The following INTS9 variants were observed in gnomAD, a reference collection of about 807,000 sequenced individuals.
INTS9 encodes the protein protein related to CPSF subunits of 74 kDa.
Under a neutral mutation model 79.7 loss-of-function variants are expected in INTS9, and 55 were observed. The observed-to-expected ratio is 0.69, with a 90% CI of 0.56 to 0.86. The LOEUF is 0.86. Ranked by LOEUF, INTS9 falls within the 40% of genes least tolerant of loss-of-function variation. The probability of loss-of-function intolerance (pLI) is 0.00; values close to 1 mark genes in which losing one functional copy is unlikely to be tolerated. For missense variants in INTS9, 721 were observed against 831.5 expected, an observed-to-expected ratio of 0.87 and a Z score of 1.64; for synonymous variants, 319 against 325.2, an observed-to-expected ratio of 0.98 and a Z score of 0.20.
intron 8 of INTS9, among the ~76,000 whole-genome samples, chr8:28,800,940 G>A (rs1363237666): frequency 6.6e-6 from 1 of 152,180 alleles, no homozygotes; most frequent in African/African-American, 2.4e-5. Flanking sequence ...AAAGAAACAG[G>A]TGGAGGGCCA....
intron 6 of INTS9, among the ~76,000 whole-genome samples, chr8:28,816,132 C>CT (rs890460974): frequency 1.2e-4 from 17 of 147,500 alleles, no homozygotes; most frequent in Admixed American, 6.1e-4. Context: ...AACTGACTTT[C>CT]TTTTTTTTTT....
rs796536290 is a variant in INTS9 at position 28,878,681 on chromosome 8, T to TA, written c.9+11192dup. 2.9e-3 allele frequency among the ~76,000 whole-genome samples: 420 copies of TA among 147,348 alleles called. 2 individuals carry two copies. Among genetic ancestry groups the TA allele is most frequent in the African/African-American group, 9.8e-3 (396 of 40,320 alleles). ...ACAAAAAACTCTTGTATAGTTTACT[T>TA]AAAAAAAAATGTTGGGCCAGGCGCG... On this transcript the variant is annotated intron_variant, in intron 1 of 16. Transcript: ENST00000521022.
At chr8:28,870,987 C>T (rs1809059537) in intron 1 of INTS9, among the ~76,000 whole-genome samples, 1 of 152,188 alleles carries the variant, frequency 6.6e-6, no homozygotes, top group African/African-American at 2.4e-5. Context: ...TTTTTAAAGA[C>T]AGCGAACATT....
intron 1 of INTS9, among the ~76,000 whole-genome samples, chr8:28,886,287 A>C (rs1177413011): frequency 6.6e-6 from 1 of 152,008 alleles, no homozygotes; most frequent in Non-Finnish European, 1.5e-5. Flanking sequence ...TCATTTTGTC[A>C]CCCAGGTTGT....
Position 28,840,844 on chromosome 8 carries a change from T to C in INTS9, c.262-3068A>G, listed in dbSNP as rs533279440. ...ATTAAGAGATATACCTAATGCTAAA[T>C]GACGAGTTAATGGGTGCAGTACGCC... On this transcript the variant is annotated intron_variant, in intron 4 of 16. Transcript: ENST00000521022. Among the ~76,000 whole-genome samples the C allele has an allele frequency of 6.1e-3, 907 of 149,820 alleles. 6 individuals are homozygous for C. The highest frequency in any genetic ancestry group is 0.022 in the African/African-American group (877 of 40,694).
At chr8:28,850,328 G>A in intron 2 of INTS9, 55 bp from the exon 3 acceptor site, 3 of 1,402,760 alleles carry the variant, frequency 2.1e-6, no homozygotes, top group South Asian at 1.2e-5. Context: ...AATCCTCAAT[G>A]ACTTCATGGT....
intron 10 of INTS9, among the ~76,000 whole-genome samples, chr8:28,788,580 G>A (rs961330626): frequency 7.2e-5 from 11 of 152,038 alleles, no homozygotes; most frequent in Admixed American, 2.0e-4. Context: ...CACCACACTC[G>A]GCGAATTTTT....
At chr8:28,797,934 C>T (rs1804315430) in intron 8 of INTS9, among the ~76,000 whole-genome samples, 1 of 152,134 alleles carries the variant, frequency 6.6e-6, no homozygotes, top group South Asian at 2.1e-4. Context: ...CAGTATTTTC[C>T]TTTCACCTTC....
In INTS9 at chr8:28,793,920, G is replaced by A. The variant is rs1203992703; in HGVS notation, c.924C>T (p.Leu308=). Residue 308 remains leucine, a synonymous_variant, in exon 10 of 17, where the codon CTC becomes CTT. Coordinates refer to ENST00000521022, the MANE Select transcript of INTS9 (RefSeq NM_018250.4). ...CGATGTACTGATATAGGCACTCCAG[G>A]AGGTCATAGATCACTCCAGAAGGGT... is the stretch of plus-strand genomic sequence containing the variant. The part of the protein sequence containing the change: ...PCYPSGVIYD[L]LECLYQYIDS... The A allele has an allele frequency of 3.1e-6, 5 of 1,614,018 alleles. No homozygotes were observed. The highest frequency in any genetic ancestry group is 4.2e-6 in the Non-Finnish European group (5 of 1,179,930).
At chr8:28,877,303 T>G (rs533477571) in intron 1 of INTS9, among the ~76,000 whole-genome samples, 2 of 152,224 alleles carry the variant, frequency 1.3e-5, no homozygotes, top group East Asian at 3.9e-4. Flanking sequence ...TACAAATGCT[T>G]TTATAAATAT....
chr8:28,823,447 C>G lies in INTS9; in HGVS notation c.489-9835G>C, dbSNP rs554331597. Among the ~76,000 whole-genome samples the G allele has an allele frequency of 2.6e-5, 4 of 152,322 alleles. No homozygotes were observed. The South Asian group carries it at 8.3e-4, about 32-fold the overall frequency. On this transcript the variant is annotated intron_variant, in intron 6 of 16. Coordinates refer to ENST00000521022, the MANE Select transcript of INTS9 (RefSeq NM_018250.4). ...AATTGACTGCCCTAGCCCAAGTCCC[C>G]TTCCCTTGTCACACTTTCCCAATGT...
At chr8:28,774,318 T>A (rs532472586) in intron 14 of INTS9, among the ~76,000 whole-genome samples, 126 of 152,344 alleles carry the variant, frequency 8.3e-4, no homozygotes, top group African/African-American at 2.9e-3. Context: ...TATTATTAAG[T>A]GAATATTTTT....
intron 12 of INTS9, 46 bp from the exon 13 acceptor site, chr8:28,777,999 G>A (rs1411287514): frequency 3.9e-6 from 6 of 1,539,562 alleles, no homozygotes; most frequent in South Asian, 2.5e-5. Flanking sequence ...GACTACACAG[G>A]AGCTGCCAAG....
At chr8:28,884,168 CTTTTTTTTTTTTTTTTTTTTT>C (rs35799882) in intron 1 of INTS9, among the ~76,000 whole-genome samples, 1 of 46,946 alleles carries the variant, frequency 2.1e-5, no homozygotes, top group African/African-American at 8.9e-5. Flanking sequence ...ATCAGTGTAT[CTTTTTTTTTTTTTTTTTTTTT>C]TTTTTTTTTG....
Position 28,780,980 on chromosome 8 carries a change from A to T in INTS9, c.1113T>A (p.Asn371Lys). The T allele has an allele frequency of 6.2e-7, 1 of 1,613,736 alleles. No homozygotes were observed. Among genetic ancestry groups the T allele is most frequent in the Non-Finnish European group, 8.5e-7 (1 of 1,179,746 alleles). Reference sequence around the variant, plus strand: ...GGATGCTGGGGTAGTGCTTCAGCTTATTGGTCTGAATGAGCTGGAAAATAT... The same window carrying T: ...GGATGCTGGGGTAGTGCTTCAGCTTTTTGGTCTGAATGAGCTGGAAAATAT... ...PFPHAELIQTNKLKHYPSIHG... is the reference protein window; with the variant it reads ...PFPHAELIQTKKLKHYPSIHG... The change falls in exon 12 of 17, where the codon AAT (asparagine) becomes AAA (lysine). Residue 371 changes from asparagine (N) to lysine (K), a missense_variant. By Grantham distance (94) the Asn-to-Lys change is moderately conservative. Transcript: ENST00000521022.
intron 4 of INTS9, among the ~76,000 whole-genome samples, chr8:28,843,040 A>G (rs1051113790): frequency 6.6e-6 from 1 of 152,200 alleles, no homozygotes; most frequent in Non-Finnish European, 1.5e-5. Flanking sequence ...GGCCAAGTGC[A>G]TTGTCCAATA....
intron 11 of INTS9, among the ~76,000 whole-genome samples, chr8:28,784,270 T>C (rs1340636497): frequency 6.6e-6 from 1 of 152,138 alleles, no homozygotes; most frequent in Non-Finnish European, 1.5e-5. Flanking sequence ...GGTGTGTGAG[T>C]GAGAATGTGA....
chr8:28,774,544 A>G (rs1802757329), intron 14 of INTS9, among the ~76,000 whole-genome samples: 1 of 152,180 alleles, frequency 6.6e-6, no homozygotes. Flanking sequence ...AAATCATAAC[A>G]AAATGATAAA....
chr8:28,842,878 A>G (rs1427521979), intron 4 of INTS9, among the ~76,000 whole-genome samples: 2 of 152,136 alleles, frequency 1.3e-5, no homozygotes, highest in Non-Finnish European at 2.9e-5. Flanking sequence ...GTCCCCTTCG[A>G]CAGAGTTGAC....
Sources: gnomAD v4.1 joint callset for allele counts (sites outside exome capture counted in the v4.1 genomes callset) on GRCh38, gnomAD v4.1.1 for gene constraint, MANE v1.5 for transcripts, NCBI Gene and HGNC (gene_info 2026-07-23, HGNC 2026-07-21) for gene names.